CHRM2: variants seen among roughly 807,000 people sequenced by gnomAD.
CHRM2 encodes cholinergic receptor muscarinic 2.
In CHRM2, 8 loss-of-function variants were observed where a neutral mutation model predicts 25.0. That is an observed-to-expected ratio of 0.32 (90% CI 0.19 to 0.58). The LOEUF is 0.58. Among genes scored for constraint, CHRM2 ranks in the 20% least tolerant of loss-of-function variants. The probability of loss-of-function intolerance (pLI) is 0.88; values close to 1 mark genes in which losing one functional copy is unlikely to be tolerated. For missense variants in CHRM2, 440 were observed against 567.1 expected (o/e 0.78, Z 2.28); for synonymous variants, 202 against 205.7 (o/e 0.98, Z 0.15).
At chr7:136,921,794 C>CTTTTTCTTTTTTTTTTTTTTTTTTTT (rs1798456730) in intron 2 of CHRM2, among the ~76,000 whole-genome samples, 1 of 116,538 alleles carries the variant, frequency 8.6e-6, no homozygotes, top group African/African-American at 2.8e-5. Flanking sequence ...TTCTTTCTTT[C>CTTTTTCTTTTTTTTTTTTTTTTTTTT]TTTTTTTTGA....
intron 2 of CHRM2, among the ~76,000 whole-genome samples, chr7:136,885,808 A>G (rs550715334): frequency 7.9e-4 from 121 of 152,338 alleles, no homozygotes; most frequent in Admixed American, 3.5e-3. Context: ...TCTTGGTTTA[A>G]TAAAGCACTA....
At chr7:136,881,483 T>C (rs918288256) in intron 2 of CHRM2, among the ~76,000 whole-genome samples, 3 of 152,024 alleles carry the variant, frequency 2.0e-5, no homozygotes, top group Non-Finnish European at 2.9e-5. Context: ...TGTATTATTT[T>C]ATTCTTGTTC....
chr7:136,988,746 C>T (rs535068679), intron 2 of CHRM2, among the ~76,000 whole-genome samples: 4 of 152,060 alleles, frequency 2.6e-5, no homozygotes, highest in Non-Finnish European at 5.9e-5. Flanking sequence ...GCACCAAGTG[C>T]ATCTAGATGG....
At chr7:136,892,003 C>T (rs995752752) in intron 2 of CHRM2, among the ~76,000 whole-genome samples, 1 of 152,182 alleles carries the variant, frequency 6.6e-6, no homozygotes, top group Non-Finnish European at 1.5e-5. Context: ...GCAGAAACAA[C>T]AGCTGTCTAA....
At chr7:136,904,851 C>G (rs1455080557) in intron 2 of CHRM2, among the ~76,000 whole-genome samples, 1 of 151,894 alleles carries the variant, frequency 6.6e-6, no homozygotes, top group Non-Finnish European at 1.5e-5. Context: ...GGTTTAGAAT[C>G]AAGGAGCTTA....
chr7:136,888,584 T>C (rs1167573573), intron 2 of CHRM2, among the ~76,000 whole-genome samples: 1 of 152,144 alleles, frequency 6.6e-6, no homozygotes, highest in Non-Finnish European at 1.5e-5. Context: ...AAATGAGGGA[T>C]TGGCATTTTC....
intron 2 of CHRM2, among the ~76,000 whole-genome samples, chr7:136,931,554 A>C (rs943528273): frequency 5.9e-5 from 9 of 152,170 alleles, no homozygotes; most frequent in Non-Finnish European, 1.3e-4. Flanking sequence ...CACACAAAGC[A>C]CCATAATGTA....
intron 3 of CHRM2, among the ~76,000 whole-genome samples, chr7:137,006,939 T>C (rs1804474910): frequency 6.6e-6 from 1 of 152,106 alleles, no homozygotes; most frequent in African/African-American, 2.4e-5. Context: ...CTTTTGAACC[T>C]ACAGGTTGTC....
At chr7:136,892,026 G>A (rs547557502) in intron 2 of CHRM2, among the ~76,000 whole-genome samples, 18 of 152,288 alleles carry the variant, frequency 1.2e-4, no homozygotes, top group African/African-American at 3.4e-4. Flanking sequence ...TACCCCTGGG[G>A]CCTAGAATAG....
At chr7:136,970,535 A>G (rs768078894) in intron 2 of CHRM2, among the ~76,000 whole-genome samples, 3 of 152,196 alleles carry the variant, frequency 2.0e-5, no homozygotes, top group South Asian at 4.1e-4. Flanking sequence ...TTACAACCAC[A>G]TTGTAATTTT....
At chr7:136,895,816 C>T (rs976618968) in intron 2 of CHRM2, among the ~76,000 whole-genome samples, 1 of 152,062 alleles carries the variant, frequency 6.6e-6, no homozygotes, top group Non-Finnish European at 1.5e-5. Context: ...AGCTCGGCTT[C>T]TAGGTATGTA....
intron 3 of CHRM2, among the ~76,000 whole-genome samples, chr7:137,000,194 C>CTTTTTTTTTTTTTTTTT (rs57283576): frequency 1.4e-5 from 1 of 73,316 alleles, no homozygotes; most frequent in Non-Finnish European, 2.4e-5. Flanking sequence ...CTTTTTCTTT[C>CTTTTTTTTTTTTTTTTT]TTTTTTTTTT....
intron 2 of CHRM2, among the ~76,000 whole-genome samples, chr7:136,875,841 T>C (rs1483391846): frequency 6.6e-6 from 1 of 152,162 alleles, no homozygotes; most frequent in Middle Eastern, 3.2e-3. Flanking sequence ...ACTGGTACAG[T>C]GTACATGCTA....
chr7:136,995,679 G>C (rs1257847762), intron 3 of CHRM2, among the ~76,000 whole-genome samples: 2 of 152,018 alleles, frequency 1.3e-5, no homozygotes, highest in Non-Finnish European at 2.9e-5. Flanking sequence ...TGGGAGGATT[G>C]CATGGTCCTG....
chr7:136,938,282 G>T, intron 2 of CHRM2: 1 of 992,844 alleles, frequency 1.0e-6, no homozygotes, highest in Non-Finnish European at 1.6e-6. Context: ...TGCTTCAGCT[G>T]CCGCCTAAGG....
intron 2 of CHRM2, among the ~76,000 whole-genome samples, chr7:136,967,343 A>G (rs1329414417): frequency 6.6e-6 from 1 of 152,048 alleles, no homozygotes; most frequent in Non-Finnish European, 1.5e-5. Flanking sequence ...CATTGATGAT[A>G]AAGTGGGCGT....
intron 2 of CHRM2, among the ~76,000 whole-genome samples, chr7:136,939,322 C>T (rs1799626630): frequency 6.6e-6 from 1 of 152,184 alleles, no homozygotes; most frequent in Non-Finnish European, 1.5e-5. Context: ...CAGGGCTTTA[C>T]TGGTTTTAAC....
intron 2 of CHRM2, among the ~76,000 whole-genome samples, chr7:136,877,454 A>G (rs151289662): frequency 6.6e-5 from 10 of 152,076 alleles, no homozygotes; most frequent in African/African-American, 2.4e-4. Flanking sequence ...TCATTCGTTT[A>G]ATATCTTCAC....
chr7:136,966,914 T>C (rs1416318766), intron 2 of CHRM2, among the ~76,000 whole-genome samples: 1 of 152,010 alleles, frequency 6.6e-6, no homozygotes, highest in East Asian at 1.9e-4. Context: ...ACACTATATT[T>C]ACAAGGCAGG....
Sources: allele counts gnomAD v4.1 joint callset (sites outside exome capture counted in the v4.1 genomes callset), GRCh38; gene constraint gnomAD v4.1.1; transcripts MANE v1.5; gene names NCBI Gene and HGNC (gene_info 2026-07-23, HGNC 2026-07-21).